The following BCAS4 variants were observed in gnomAD, a reference collection of about 807,000 sequenced individuals.
BCAS4 encodes breast carcinoma-amplified sequence 4.
Under a neutral mutation model 15.7 loss-of-function variants are expected in BCAS4, and 9 were observed. The observed-to-expected ratio is 0.57, with a 90% CI of 0.34 to 1.00. The LOEUF is 1.00. Among genes scored for constraint, BCAS4 ranks in the 50% least tolerant of loss-of-function variants. BCAS4 has a pLI of 0.02. For missense variants in BCAS4, 225 were observed against 239.1 expected, an observed-to-expected ratio of 0.94 and a Z score of 0.39; for synonymous variants, 101 against 99.5, an observed-to-expected ratio of 1.02 and a Z score of -0.09.
intron 2 of BCAS4, among the ~76,000 whole-genome samples, chr20:50,823,381 A>G (rs902563626): frequency 6.6e-6 from 1 of 152,208 alleles, no homozygotes; most frequent in African/African-American, 2.4e-5. Context: ...TGATACTCCA[A>G]ACTGGAAACA....
At chr20:50,857,748 T>G (rs1978843990) in intron 4 of BCAS4, among the ~76,000 whole-genome samples, 1 of 152,084 alleles carries the variant, frequency 6.6e-6, no homozygotes, top group Non-Finnish European at 1.5e-5. Context: ...GCAACATGAG[T>G]CTCACTGAGG....
At chr20:50,866,943 A>G (rs1979388473) in intron 4 of BCAS4, among the ~76,000 whole-genome samples, 1 of 151,644 alleles carries the variant, frequency 6.6e-6, no homozygotes. Context: ...CGGGCCGGGC[A>G]CTCTGTAAAT....
Position 50,827,888 on chromosome 20 carries a change from A to G in BCAS4, c.163-2391A>G, listed in dbSNP as rs183887875. Among the ~76,000 whole-genome samples, 23 of 152,158 alleles carry G rather than the reference A, an allele frequency of 1.5e-4. No homozygotes were observed. In the East Asian group the frequency reaches 3.1e-3, roughly 20 times the overall value. ...ACTACAGGCGCACGCCACCATGCCC[A>G]GCTAACTTTTGTATTTTTAGTAGAG... On this transcript the variant is annotated intron_variant, in intron 2 of 4. Coordinates refer to ENST00000371608, the MANE Select transcript of BCAS4 (RefSeq NM_198799.4).
rs763018683 is a variant in BCAS4, at chr20:50,876,585, C to T, written c.499C>T (p.Arg167Cys). The T allele has an allele frequency of 1.1e-5, 17 of 1,614,126 alleles. No homozygotes were observed. The highest frequency in any genetic ancestry group is 7.7e-5 in the South Asian group (7 of 91,078). ...VDAGEAQHHP[R>C]TCPRPL ...CGCCGGGGAAGCACAGCACCACCCC[C>T]GCACCTGCCCTCGGCCTTTGTGAGC... The change falls in exon 5 of 5, where the codon CGC becomes TGC. Residue 167 changes from arginine to cysteine, a missense_variant. Arg to Cys is a radical substitution (Grantham distance 180). Coordinates refer to ENST00000371608, the MANE Select transcript of BCAS4 (RefSeq NM_198799.4).
At chr20:50,823,187 A>AAAATT (rs2088237893) in intron 2 of BCAS4, among the ~76,000 whole-genome samples, 1 of 151,606 alleles carries the variant, frequency 6.6e-6, no homozygotes, top group Non-Finnish European at 1.5e-5. Flanking sequence ...TAAAAATACA[A>AAAATT]AAATTAGTTG....
intron 1 of BCAS4, among the ~76,000 whole-genome samples, chr20:50,796,883 T>C (rs1015571031): frequency 6.6e-6 from 1 of 151,330 alleles, no homozygotes; most frequent in Non-Finnish European, 1.5e-5. Flanking sequence ...CAGGCTGGAG[T>C]GCAGTGACAC....
At chr20:50,857,203 C>G (rs1419676060) in intron 4 of BCAS4, among the ~76,000 whole-genome samples, 1 of 152,190 alleles carries the variant, frequency 6.6e-6, no homozygotes, top group Non-Finnish European at 1.5e-5. Context: ...GCGATCTCAG[C>G]TCACCGCAAC....
chr20:50,874,747 G>A (rs1159742577), intron 4 of BCAS4, among the ~76,000 whole-genome samples: 1 of 152,192 alleles, frequency 6.6e-6, no homozygotes, highest in Non-Finnish European at 1.5e-5. Context: ...GGGGAGGGGA[G>A]GGAAGGGGAG....
At chr20:50,840,556 G>A in intron 3 of BCAS4, 2 of 1,516,692 alleles carry the variant, frequency 1.3e-6, no homozygotes, top group African/African-American at 1.4e-5. Flanking sequence ...GCTAAAAGAA[G>A]TAAAATAAGA....
At chr20:50,872,655 C>T (rs1979715466) in intron 4 of BCAS4, among the ~76,000 whole-genome samples, 1 of 152,298 alleles carries the variant, frequency 6.6e-6, no homozygotes, top group East Asian at 1.9e-4. Context: ...AAACAGCGCC[C>T]ACCCATGCCC....
At chr20:50,810,694 C>G (rs934279660) in intron 1 of BCAS4, among the ~76,000 whole-genome samples, 1 of 151,646 alleles carries the variant, frequency 6.6e-6, no homozygotes, top group African/African-American at 2.4e-5. Context: ...GGGTTCACGC[C>G]GTTTTCCTGG....
intron 1 of BCAS4, among the ~76,000 whole-genome samples, chr20:50,801,348 C>T (rs551934968): frequency 1.7e-3 from 255 of 152,154 alleles, no homozygotes; most frequent in Middle Eastern, 0.01. Flanking sequence ...ATTGCTTGAA[C>T]CCGGGAGGTG....
At chr20:50,861,535 A>G (rs536221214) in intron 4 of BCAS4, among the ~76,000 whole-genome samples, 34 of 152,168 alleles carry the variant, frequency 2.2e-4, no homozygotes, top group Non-Finnish European at 4.4e-4. Context: ...TCCTTTATAC[A>G]TTTAGAATAT....
chr20:50,844,684 G>C (rs1434102380), intron 4 of BCAS4, among the ~76,000 whole-genome samples: 3 of 152,154 alleles, frequency 2.0e-5, no homozygotes, highest in Admixed American at 6.5e-5. Context: ...ACTGGGTTTG[G>C]AATCCAGGCC....
rs534008309 is a variant in BCAS4 at position 50,825,769 on chromosome 20, C to T, written c.163-4510C>T. Among the ~76,000 whole-genome samples, 21 of 152,066 alleles carry T rather than the reference C, an allele frequency of 1.4e-4. No individual in the cohort carries two copies. In the South Asian group the frequency reaches 2.5e-3, roughly 18 times the overall value. ...GCAGGTGCTTGTAATCCCAGCTACTCGGGAGGCTGAGGCAAGAGAATCACT... is the reference window on the plus strand; with the variant it reads ...GCAGGTGCTTGTAATCCCAGCTACTTGGGAGGCTGAGGCAAGAGAATCACT... On this transcript the variant is annotated intron_variant, in intron 2 of 4. Coordinates refer to ENST00000371608, the MANE Select transcript of BCAS4 (RefSeq NM_198799.4).
Position 50,831,283 on chromosome 20 carries a change from A to G in BCAS4, c.264+903A>G, listed in dbSNP as rs35006664. 5.6e-3 allele frequency among the ~76,000 whole-genome samples: 854 copies of G among 152,008 alleles called. 7 individuals are homozygous for G. Among genetic ancestry groups the G allele is most frequent in the Non-Finnish European group, 8.8e-3 (599 of 67,966 alleles). Reference sequence around the variant, plus strand: ...GTCCCTACTAAAAATACTAAAATCAACCGGGCGTGGTGACACACACTGAGG... The same window carrying G: ...GTCCCTACTAAAAATACTAAAATCAGCCGGGCGTGGTGACACACACTGAGG... On this transcript the variant is annotated intron_variant, in intron 3 of 4. Coordinates refer to ENST00000371608, the MANE Select transcript of BCAS4 (RefSeq NM_198799.4).
At chr20:50,818,395 GC>G in intron 2 of BCAS4, 113 bp downstream of exon 2, 1 of 990,660 alleles carries the variant, frequency 1.0e-6, no homozygotes, top group Non-Finnish European at 1.5e-6. Flanking sequence ...GAGGAATGGG[GC>G]AGCGGCCAGC....
chr20:50,844,406 C>G (rs2088518649), intron 4 of BCAS4, among the ~76,000 whole-genome samples: 1 of 152,218 alleles, frequency 6.6e-6, no homozygotes, highest in South Asian at 2.1e-4. Context: ...TCACTACACT[C>G]TAGCCTGGAC....
Position 50,848,607 on chromosome 20 carries a change from C to G in BCAS4, c.399+6707C>G, listed in dbSNP as rs542021821. ...GGCGATTCTTGTAGCAGGGGAGGGA[C>G]TTGGCCAAATTTGCTTCACTTGGCA... On this transcript the variant is annotated intron_variant, in intron 4 of 4. Transcript: ENST00000371608. Among the ~76,000 whole-genome samples the G allele has an allele frequency of 5.3e-5, 8 of 152,342 alleles. No homozygotes were observed. In the South Asian group the frequency reaches 1.7e-3, roughly 32 times the overall value.
Sources: gnomAD v4.1 joint callset for allele counts (sites outside exome capture counted in the v4.1 genomes callset) on GRCh38, gnomAD v4.1.1 for gene constraint, MANE v1.5 for transcripts, NCBI Gene and HGNC (gene_info 2026-07-23, HGNC 2026-07-21) for gene names.